RNF6: variants seen among roughly 807,000 people sequenced by gnomAD.
The protein encoded by RNF6 is ring finger protein 6, also known as E3 ubiquitin-protein ligase RNF6.
A neutral mutation model predicts 50.1 loss-of-function variants in RNF6; 21 were observed. That is an observed-to-expected ratio of 0.42 (90% CI 0.30 to 0.60). The LOEUF is 0.60. RNF6 is among the 20% of genes least tolerant of loss of function. The pLI is 0.20. For missense variants in RNF6, 698 were observed against 838.2 expected, an observed-to-expected ratio of 0.83 and a Z score of 2.07; for synonymous variants, 255 against 291.8, an observed-to-expected ratio of 0.87 and a Z score of 1.29.
In RNF6 at chr13:26,206,187, C is replaced by A. The variant is rs553051837; in HGVS notation, n.768+9287G>T. Among the ~76,000 whole-genome samples the A allele has an allele frequency of 5.4e-4, 82 of 152,150 alleles. 1 individual carries two copies. In the East Asian group the frequency reaches 0.012, roughly 22 times the overall value. Reference sequence around the variant, plus strand: ...GGGAACCCTTCCCATCCGCCTCCCCCCCACCACCCTCCCCACTGCCCCCCG... The same window carrying A: ...GGGAACCCTTCCCATCCGCCTCCCCACCACCACCCTCCCCACTGCCCCCCG... On this transcript the variant is annotated intron_variant and non_coding_transcript_variant, in intron 5 of 5. Transcript: ENST00000468480.
At chr13:26,184,047 G>A (rs1873393958) in intron 5 of RNF6, among the ~76,000 whole-genome samples, 1 of 99,344 alleles carries the variant, frequency 1.0e-5, no homozygotes, top group African/African-American at 4.7e-5. Flanking sequence ...TTTTTTTTGA[G>A]ACAGAGTCTC....
downstream of RNF6, among the ~76,000 whole-genome samples, chr13:26,208,371 C>T (rs1395414135): frequency 2.0e-5 from 3 of 152,178 alleles, no homozygotes; most frequent in Non-Finnish European, 2.9e-5. Flanking sequence ...GAGTCTGTCA[C>T]GAGCTTTTCT....
At chr13:26,189,965 T>C (rs1868394073) in intron 5 of RNF6, among the ~76,000 whole-genome samples, 1 of 152,194 alleles carries the variant, frequency 6.6e-6, no homozygotes, top group Admixed American at 6.5e-5. Flanking sequence ...ATTTGATGGA[T>C]TAAAACACAC....
chr13:26,183,783 T>C (rs1873350519), intron 5 of RNF6, among the ~76,000 whole-genome samples: 1 of 151,644 alleles, frequency 6.6e-6, no homozygotes, highest in South Asian at 2.1e-4. Flanking sequence ...TTTTCACTCA[T>C]ATTCTCACAG....
At chr13:26,194,205 A>G (rs987622977) in intron 5 of RNF6, among the ~76,000 whole-genome samples, 2 of 152,198 alleles carry the variant, frequency 1.3e-5, no homozygotes, top group African/African-American at 4.8e-5. Context: ...GAGTGTGAGC[A>G]TCAAATTAAA....
rs1195224550 is a variant in RNF6, at chr13:26,214,285, T to C, written c.1597A>G (p.Arg533Gly). The change falls in exon 5 of 5, where the codon AGG becomes GGG. Residue 533 changes from arginine (R) to glycine (G), a missense_variant. Coordinates refer to ENST00000381588, the MANE Select transcript of RNF6 (RefSeq NM_005977.4). ...LGTDNNRSQH[R>G]EGSSQDRQAQ... Reference sequence around the variant, plus strand: ...TGCCTGTCTTGAGAGGAACCTTCCCTGTGCTGGCTCCTGTTGTTATCTGTA... The same window carrying C: ...TGCCTGTCTTGAGAGGAACCTTCCCCGTGCTGGCTCCTGTTGTTATCTGTA... The C allele has an allele frequency of 1.9e-6, 3 of 1,614,200 alleles. No individual in the cohort carries two copies. Among genetic ancestry groups the C allele is most frequent in the African/African-American group, 1.3e-5 (1 of 75,046 alleles).
At chr13:26,189,271 T>C (rs1593177213) in intron 5 of RNF6, among the ~76,000 whole-genome samples, 2 of 152,012 alleles carry the variant, frequency 1.3e-5, no homozygotes, top group Admixed American at 1.3e-4. Flanking sequence ...GAGGTTGCAG[T>C]GAGCCAAGGT....
rs1006637466 is a variant in RNF6, at chr13:26,160,330, G to A, written n.769-27879C>T. Among the ~76,000 whole-genome samples, 3 of 152,076 alleles carry A rather than the reference G, an allele frequency of 2.0e-5. No individual in the cohort carries two copies. In the East Asian group the frequency reaches 5.8e-4, roughly 29 times the overall value. Reference sequence around the variant, plus strand: ...GACTTGGCTACTAGCTTTTATAACAGCATCATCATAATTTTACAATTTTAT... The same window carrying A: ...GACTTGGCTACTAGCTTTTATAACAACATCATCATAATTTTACAATTTTAT... On this transcript the variant is annotated intron_variant and non_coding_transcript_variant, in intron 5 of 5. Coordinates refer to the RNF6 transcript ENST00000468480.
intron 5 of RNF6, among the ~76,000 whole-genome samples, chr13:26,196,345 T>C (rs908957313): frequency 3.3e-5 from 5 of 152,010 alleles, no homozygotes; most frequent in Non-Finnish European, 7.4e-5. Context: ...CTTTCAAAAA[T>C]GAAGAAGAAA....
At position 26,156,871 on chromosome 13, in the gene RNF6, A is replaced by AT. The variant is rs373366820; in HGVS notation, n.769-24421dup. On this transcript the variant is annotated intron_variant and non_coding_transcript_variant, in intron 5 of 5. Transcript: ENST00000468480. ...ACACTGAATTACACTGAAGTAACAG[A>AT]TGGGAGTTTATATAACATGGGGAGA... 4.4e-3 allele frequency among the ~76,000 whole-genome samples: 667 copies of AT among 152,332 alleles called. 2 individuals carry two copies. Among genetic ancestry groups the AT allele is most frequent in the African/African-American group, 0.015 (619 of 41,588 alleles).
chr13:26,156,163 A>T (rs569655385), intron 5 of RNF6, among the ~76,000 whole-genome samples: 104 of 152,378 alleles, frequency 6.8e-4, no homozygotes, highest in African/African-American at 2.4e-3. Context: ...GGCTATCCAA[A>T]TGTAGAGGAG....
chr13:26,170,042 T>C (rs1316986003), intron 5 of RNF6, among the ~76,000 whole-genome samples: 1 of 152,222 alleles, frequency 6.6e-6, no homozygotes, highest in Non-Finnish European at 1.5e-5. Flanking sequence ...GTGAGTTTTG[T>C]TTGTTTTTGA....
intron 5 of RNF6, chr13:26,142,520 C>T (rs1228055072): frequency 1.3e-5 from 2 of 152,136 alleles, no homozygotes; most frequent in East Asian, 1.9e-4. Flanking sequence ...GGTACATATA[C>T]ACCATGGAAT....
At chr13:26,169,961 T>C (rs1202511366) in intron 5 of RNF6, among the ~76,000 whole-genome samples, 4 of 152,228 alleles carry the variant, frequency 2.6e-5, no homozygotes, top group Admixed American at 1.3e-4. Flanking sequence ...TTCTGTCCAG[T>C]GCAATTTACA....
chr13:26,192,428 C>T (rs1288568927), intron 5 of RNF6, among the ~76,000 whole-genome samples: 2 of 152,282 alleles, frequency 1.3e-5, no homozygotes, highest in East Asian at 1.9e-4. Flanking sequence ...GGAGAGTCTA[C>T]GATGGCCCCC....
In RNF6 at chr13:26,213,256, A is replaced by G. The variant is rs1402623435; in HGVS notation, c.*568T>C. ...TAGCCCAAAAGCTTAAATAAGAACCAAACTTGTAGACTGAATATTTTAACC... is the reference window on the plus strand; with the variant it reads ...TAGCCCAAAAGCTTAAATAAGAACCGAACTTGTAGACTGAATATTTTAACC... On this transcript the variant is annotated 3_prime_UTR_variant, in exon 5 of 5. Transcript: ENST00000381588. 2 of 152,636 alleles carry G rather than the reference A, an allele frequency of 1.3e-5. No individual in the cohort carries two copies. The highest frequency in any genetic ancestry group is 2.9e-5 in the Non-Finnish European group (2 of 68,018). The allele number at this position is 152,636 out of a possible 1,614,324, so 9.5% of individuals were successfully genotyped here.
intron 5 of RNF6, among the ~76,000 whole-genome samples, chr13:26,198,112 A>G (rs180786408): frequency 1.3e-5 from 1 of 78,502 alleles, no homozygotes; most frequent in East Asian, 3.6e-4. Context: ...GTACGAAAGT[A>G]TATGTGTGTG....
chr13:26,197,801 A>C (rs1868731052), intron 5 of RNF6, among the ~76,000 whole-genome samples: 1 of 151,872 alleles, frequency 6.6e-6, no homozygotes, highest in Non-Finnish European at 1.5e-5. Flanking sequence ...CGAGGTGGGC[A>C]GATCATAAGG....
downstream of RNF6, among the ~76,000 whole-genome samples, chr13:26,208,388 C>T (rs114533312): frequency 5.9e-5 from 9 of 152,290 alleles, no homozygotes; most frequent in African/African-American, 2.2e-4. Flanking sequence ...TTCTGGTAGA[C>T]AACACTTCTC....
Sources: allele counts gnomAD v4.1 joint callset (sites outside exome capture counted in the v4.1 genomes callset), GRCh38; gene constraint gnomAD v4.1.1; transcripts MANE v1.5; gene names NCBI Gene and HGNC (gene_info 2026-07-23, HGNC 2026-07-21).